Variants in ULK4 observed in about 807,000 individuals in gnomAD.
The protein encoded by ULK4 is unc-51 like kinase 4, also known as inactive serine/threonine-protein kinase ULK4.
ULK4 carries 133 observed loss-of-function variants against 160.6 expected under a neutral mutation model. The ratio of observed to expected loss-of-function variants is 0.83; its 90% CI spans 0.72 to 0.96. ULK4 has a LOEUF of 0.96. ULK4 is among the 40% of genes least tolerant of loss of function. The pLI, the probability that ULK4 is intolerant of heterozygous loss-of-function variation, is 0.00. For synonymous variants in ULK4, 534 were observed against 539.8 expected (o/e 0.99, Z 0.15); for missense variants, 1,580 against 1,499.5 (o/e 1.05, Z -0.89).
intron 32 of ULK4, among the ~76,000 whole-genome samples, chr3:41,516,172 A>G (rs555848562): frequency 6.6e-6 from 1 of 152,226 alleles, no homozygotes; most frequent in Non-Finnish European, 1.5e-5. Flanking sequence ...TATTAGAAAT[A>G]CATGTTCTGA....
At chr3:41,811,299 C>T (rs1357718578) in intron 19 of ULK4, among the ~76,000 whole-genome samples, 4 of 152,166 alleles carry the variant, frequency 2.6e-5, no homozygotes, top group African/African-American at 4.8e-5. Context: ...TGGGCTCAAA[C>T]GATCCTACTA....
chr3:41,698,452 C>A (rs371067905), intron 27 of ULK4, among the ~76,000 whole-genome samples: 2 of 152,094 alleles, frequency 1.3e-5, no homozygotes, highest in Admixed American at 6.5e-5. Flanking sequence ...ACCAACATGA[C>A]GCTCAGAGGC....
chr3:41,700,152 C>T (rs2036625107), intron 27 of ULK4, among the ~76,000 whole-genome samples: 1 of 151,956 alleles, frequency 6.6e-6, no homozygotes, highest in African/African-American at 2.4e-5. Flanking sequence ...ATGAAAAATG[C>T]CAGATAAAAT....
chr3:41,297,871 C>T (rs1174458524), intron 35 of ULK4, among the ~76,000 whole-genome samples: 9 of 152,208 alleles, frequency 5.9e-5, no homozygotes, highest in Admixed American at 5.9e-4. Flanking sequence ...ACATAAACAT[C>T]AGCCCACTGT....
intron 33 of ULK4, among the ~76,000 whole-genome samples, chr3:41,461,545 T>C (rs976802013): frequency 6.6e-6 from 1 of 152,144 alleles, no homozygotes; most frequent in African/African-American, 2.4e-5. Context: ...AGGGATGATT[T>C]AGAAAGATGG....
chr3:41,962,016 C>G lies in ULK4; in HGVS notation c.-49G>C, dbSNP rs2148853566. 6.6e-6 allele frequency: 1 copy of G among 152,624 alleles called. No individual in the cohort carries two copies. The highest frequency in any genetic ancestry group is 6.5e-5 in the Admixed American group (1 of 15,312). The allele number at this position is 152,624 out of a possible 1,614,324, so 9.5% of individuals were successfully genotyped here. The stretch of plus-strand genomic sequence containing the variant: ...TACTAAAACCGCCACTGCCACGCAC[C>G]TGGTAGCTAAGTCAAGAAAAGAGTC... On this transcript the variant is annotated splice_region_variant and 5_prime_UTR_variant, in exon 1 of 37. Transcript: ENST00000301831.
In ULK4 at chr3:41,736,458, T is replaced by C. The variant is rs992590040; in HGVS notation, c.2321+17903A>G. On this transcript the variant is annotated intron_variant, in intron 22 of 36. Transcript: ENST00000301831. ...TGATGGCCAGTGATGATGAGCATTTTTTCATGTGTGTTTTGGCTGCATAAA... is the reference window on the plus strand; with the variant it reads ...TGATGGCCAGTGATGATGAGCATTTCTTCATGTGTGTTTTGGCTGCATAAA... Among the ~76,000 whole-genome samples the C allele has an allele frequency of 1.4e-4, 22 of 152,008 alleles. 2 individuals are homozygous for C. The highest frequency in any genetic ancestry group is 5.1e-4 in the African/African-American group (21 of 41,316).
At chr3:41,671,921 G>A (rs1441366479) in intron 29 of ULK4, among the ~76,000 whole-genome samples, 2 of 151,906 alleles carry the variant, frequency 1.3e-5, no homozygotes, top group Non-Finnish European at 2.9e-5. Context: ...GTGGGCAAAG[G>A]ATATAAACAT....
intron 17 of ULK4, among the ~76,000 whole-genome samples, chr3:41,872,382 A>G (rs757741341): frequency 6.6e-6 from 1 of 152,170 alleles, no homozygotes; most frequent in African/African-American, 2.4e-5. Context: ...ACTTGTACAC[A>G]TATTTTGTGA....
intron 35 of ULK4, among the ~76,000 whole-genome samples, chr3:41,329,313 G>C (rs1311342260): frequency 6.6e-6 from 1 of 152,094 alleles, no homozygotes; most frequent in Non-Finnish European, 1.5e-5. Context: ...GCTCAATCTG[G>C]GGAGCAGTGA....
chr3:41,252,008 A>G (rs1383272530), intron 35 of ULK4, among the ~76,000 whole-genome samples: 2 of 152,178 alleles, frequency 1.3e-5, no homozygotes, highest in African/African-American at 4.8e-5. Flanking sequence ...TAACAAATAT[A>G]TCTCTGCTCA....
intron 17 of ULK4, among the ~76,000 whole-genome samples, chr3:41,843,350 C>T (rs925863828): frequency 2.6e-5 from 4 of 152,178 alleles, no homozygotes; most frequent in African/African-American, 9.7e-5. Flanking sequence ...ATACTGTGTC[C>T]GGAATTGGTG....
intron 27 of ULK4, among the ~76,000 whole-genome samples, chr3:41,691,703 C>T (rs1347131009): frequency 1.3e-5 from 2 of 151,792 alleles, no homozygotes; most frequent in African/African-American, 4.8e-5. Context: ...AAATTTCAAA[C>T]CCGTTAACAC....
At chr3:41,615,573 C>G (rs768235397) in intron 31 of ULK4, 96 bp downstream of exon 31, 9 of 1,187,598 alleles carry the variant, frequency 7.6e-6, no homozygotes, top group African/African-American at 1.5e-5. Context: ...TCCTTCAGGG[C>G]AGAGGCAGGG....
chr3:41,263,527 A>G (rs1381560447), intron 35 of ULK4, among the ~76,000 whole-genome samples: 5 of 152,208 alleles, frequency 3.3e-5, no homozygotes, highest in African/African-American at 1.2e-4. Context: ...ACTATCAGCC[A>G]CTAAACCACT....
chr3:41,472,114 CAAAT>C (rs1257102022), intron 32 of ULK4, among the ~76,000 whole-genome samples: 6 of 150,996 alleles, frequency 4.0e-5, no homozygotes, highest in African/African-American at 1.5e-4. Context: ...AGAGATGACT[CAAAT>C]AAATAAAATC....
At chr3:41,858,933 G>A (rs2042435790) in intron 17 of ULK4, among the ~76,000 whole-genome samples, 1 of 152,240 alleles carries the variant, frequency 6.6e-6, no homozygotes, top group South Asian at 2.1e-4. Context: ...CTCTGAAAAT[G>A]CTCTCCTACT....
chr3:41,431,687 T>C (rs920844588), intron 34 of ULK4, among the ~76,000 whole-genome samples: 8 of 151,528 alleles, frequency 5.3e-5, no homozygotes, highest in African/African-American at 1.7e-4. Flanking sequence ...AAATGCCCTA[T>C]ATTTCCTGCC....
chr3:41,362,074 C>G (rs1432763094), intron 35 of ULK4, among the ~76,000 whole-genome samples: 2 of 152,158 alleles, frequency 1.3e-5, no homozygotes, highest in Non-Finnish European at 2.9e-5. Context: ...TGGTCAAATA[C>G]CTCAATTAAC....
Sources: allele counts gnomAD v4.1 joint callset (sites outside exome capture counted in the v4.1 genomes callset), GRCh38; gene constraint gnomAD v4.1.1; transcripts MANE v1.5; gene names NCBI Gene and HGNC (gene_info 2026-07-23, HGNC 2026-07-21).